Variants in CLSTN2 observed in about 807,000 individuals in gnomAD.
CLSTN2 encodes calsyntenin-2.
Under a neutral mutation model 101.2 loss-of-function variants are expected in CLSTN2, and 48 were observed. The ratio of observed to expected loss-of-function variants is 0.47; its 90% CI spans 0.38 to 0.60. The LOEUF is 0.60. CLSTN2 is among the 20% of genes least tolerant of loss of function. The pLI, the probability that CLSTN2 is intolerant of heterozygous loss-of-function variation, is 0.00. For missense variants in CLSTN2, 1,160 were observed against 1,238.2 expected (o/e 0.94, Z 0.95); for synonymous variants, 481 against 463.6 (o/e 1.04, Z -0.48).
intron 2 of CLSTN2, among the ~76,000 whole-genome samples, chr3:140,335,143 G>C (rs1390433406): frequency 6.6e-6 from 1 of 152,180 alleles, no homozygotes; most frequent in African/African-American, 2.4e-5. Flanking sequence ...CCTGATAAAG[G>C]CTGCTGCATC....
At chr3:140,163,649 G>C (rs1356570539) in intron 1 of CLSTN2, among the ~76,000 whole-genome samples, 1 of 151,248 alleles carries the variant, frequency 6.6e-6, no homozygotes, top group Non-Finnish European at 1.5e-5. Flanking sequence ...TTGACTTCTT[G>C]TGGGGAGAAG....
chr3:140,549,436 A>G (rs1294178206), intron 10 of CLSTN2, among the ~76,000 whole-genome samples: 2 of 151,562 alleles, frequency 1.3e-5, no homozygotes, highest in African/African-American at 4.9e-5. Flanking sequence ...AGCCACTGCA[A>G]ATGATCCTCT....
At chr3:140,426,463 C>T (rs1041995991) in intron 5 of CLSTN2, among the ~76,000 whole-genome samples, 2 of 152,144 alleles carry the variant, frequency 1.3e-5, no homozygotes, top group Admixed American at 1.3e-4. Context: ...GATCTTGTTC[C>T]TTTTTATGGC....
At chr3:140,174,666 C>G (rs112269563) in intron 1 of CLSTN2, among the ~76,000 whole-genome samples, 2 of 152,120 alleles carry the variant, frequency 1.3e-5, no homozygotes, top group Non-Finnish European at 2.9e-5. Flanking sequence ...ATGAGGAAGC[C>G]GTAAAAGCGG....
intron 1 of CLSTN2, among the ~76,000 whole-genome samples, chr3:139,987,524 T>A (rs915766272): frequency 2.6e-5 from 4 of 152,202 alleles, no homozygotes; most frequent in Non-Finnish European, 4.4e-5. Context: ...AGGGTCTCTT[T>A]CCAAAAGCTG....
intron 1 of CLSTN2, among the ~76,000 whole-genome samples, chr3:140,171,662 T>A (rs11708456): frequency 0.25 from 2,408 of 9,786 alleles, 118 homozygotes; most frequent in East Asian, 0.51. Flanking sequence ...TATTATATAT[T>A]ATATATAATA....
chr3:140,213,000 T>A (rs957612724), intron 2 of CLSTN2, among the ~76,000 whole-genome samples: 1 of 152,240 alleles, frequency 6.6e-6, no homozygotes, highest in Non-Finnish European at 1.5e-5. Context: ...AGGAGGAGCC[T>A]GATGGATATT....
intron 1 of CLSTN2, among the ~76,000 whole-genome samples, chr3:140,001,047 T>A (rs1265248340): frequency 2.6e-5 from 4 of 152,230 alleles, no homozygotes; most frequent in Non-Finnish European, 5.9e-5. Flanking sequence ...TTAAAAAGCC[T>A]ACAGTGTTGA....
intron 1 of CLSTN2, among the ~76,000 whole-genome samples, chr3:140,048,710 G>A (rs1001710030): frequency 2.6e-5 from 4 of 152,028 alleles, no homozygotes; most frequent in Non-Finnish European, 4.4e-5. Flanking sequence ...TGGGGGGAGT[G>A]GGGGGCAGTG....
At chr3:140,455,143 G>T (rs1008129262) in intron 6 of CLSTN2, among the ~76,000 whole-genome samples, 1 of 152,206 alleles carries the variant, frequency 6.6e-6, no homozygotes, top group South Asian at 2.1e-4. Context: ...ATGTCTATTG[G>T]CATAATATGG....
chr3:140,263,749 C>T (rs1304463617), intron 2 of CLSTN2, among the ~76,000 whole-genome samples: 1 of 151,998 alleles, frequency 6.6e-6, no homozygotes, highest in East Asian at 1.9e-4. Flanking sequence ...AAAATTGGGT[C>T]CTTATTAAAA....
Position 140,459,774 on chromosome 3 carries a change from GTCTC to G in CLSTN2, c.1222+7_1222+10del. Reference sequence around the variant, plus strand: ...TCTGCAACTCAGACAAAACCGGTGAGTCTCTAGCCCAGCCCTTCCACCCCTCCTA... The same window carrying G: ...TCTGCAACTCAGACAAAACCGGTGAGTAGCCCAGCCCTTCCACCCCTCCTA... On this transcript the variant is annotated splice_donor_region_variant and intron_variant, in intron 7 of 16. Transcript: ENST00000458420. 1.2e-6 allele frequency: 2 copies of G among 1,606,178 alleles called. No individual in the cohort carries two copies. Among genetic ancestry groups the G allele is most frequent in the Non-Finnish European group, 1.7e-6 (2 of 1,177,208 alleles).
intron 1 of CLSTN2, among the ~76,000 whole-genome samples, chr3:140,108,206 A>C (rs997714400): frequency 6.6e-6 from 1 of 152,232 alleles, no homozygotes; most frequent in Non-Finnish European, 1.5e-5. Context: ...TGGAGCTGAC[A>C]CTGACCATTT....
intron 1 of CLSTN2, among the ~76,000 whole-genome samples, chr3:140,171,966 T>A (rs1206857100): frequency 6.9e-6 from 1 of 144,080 alleles, no homozygotes; most frequent in Non-Finnish European, 1.5e-5. Flanking sequence ...TTTCTGGTTT[T>A]CCTACTTATT....
chr3:140,046,993 T>C (rs2007895483), intron 1 of CLSTN2, among the ~76,000 whole-genome samples: 2 of 152,196 alleles, frequency 1.3e-5, no homozygotes, highest in South Asian at 4.1e-4. Flanking sequence ...TATATTATCA[T>C]TGATATTGAG....
chr3:140,544,560 A>C (rs1297914173), intron 9 of CLSTN2, among the ~76,000 whole-genome samples: 3 of 152,216 alleles, frequency 2.0e-5, no homozygotes, highest in Non-Finnish European at 4.4e-5. Context: ...TGTCTTTTTA[A>C]GGATCTCCAA....
At position 140,116,537 on chromosome 3, in the gene CLSTN2, G is replaced by A. The variant is rs550056075; in HGVS notation, c.110-59414G>A. The stretch of plus-strand genomic sequence containing the variant: ...GCCAGGACTAGGGTGGGGTCAGTGA[G>A]GCTCCTGTGTGCAAAATTTAAGGAA... On this transcript the variant is annotated intron_variant, in intron 1 of 16. Coordinates refer to ENST00000458420, the MANE Select transcript of CLSTN2 (RefSeq NM_022131.3). Among the ~76,000 whole-genome samples, 22 of 152,212 alleles carry A rather than the reference G, an allele frequency of 1.4e-4. No homozygotes were observed. In the South Asian group the frequency reaches 2.9e-3, roughly 20 times the overall value.
chr3:139,971,235 C>T (rs994898865), intron 1 of CLSTN2, among the ~76,000 whole-genome samples: 2 of 152,104 alleles, frequency 1.3e-5, no homozygotes, highest in Non-Finnish European at 2.9e-5. Flanking sequence ...CTTTGCAGGG[C>T]TGGAGAGAAA....
chr3:140,019,147 A>T (rs892220951), intron 1 of CLSTN2, among the ~76,000 whole-genome samples: 7 of 152,156 alleles, frequency 4.6e-5, no homozygotes, highest in African/African-American at 1.7e-4. Context: ...TCCCATTATT[A>T]TAAAAAAAGA....
Sources: allele counts gnomAD v4.1 joint callset (sites outside exome capture counted in the v4.1 genomes callset), GRCh38; gene constraint gnomAD v4.1.1; transcripts MANE v1.5; gene names NCBI Gene and HGNC (gene_info 2026-07-23, HGNC 2026-07-21).